Variants in ADAMTS17 observed in about 807,000 individuals in gnomAD.
The protein encoded by ADAMTS17 is ADAM metallopeptidase with thrombospondin type 1 motif 17.
ADAMTS17 carries 113 observed loss-of-function variants against 141.5 expected under a neutral mutation model. That is an observed-to-expected ratio of 0.80 (90% CI 0.69 to 0.93). The LOEUF (loss-of-function observed/expected upper bound fraction) is 0.93, where lower values mean the gene tolerates loss of function less well. Among genes scored for constraint, ADAMTS17 ranks in the 40% least tolerant of loss-of-function variants. The pLI is 0.00. For missense variants in ADAMTS17, 1,659 were observed against 1,517.9 expected (o/e 1.09, Z -1.54); for synonymous variants, 768 against 630.6 (o/e 1.22, Z -3.27).
chr15:100,082,363 C>G (rs1393149156), intron 15 of ADAMTS17, among the ~76,000 whole-genome samples: 1 of 150,738 alleles, frequency 6.6e-6, no homozygotes, highest in Non-Finnish European at 1.5e-5. Context: ...CGTGCCTGGC[C>G]TTATTGCATG....
chr15:100,246,437 A>G (rs1489231290), intron 7 of ADAMTS17, among the ~76,000 whole-genome samples: 1 of 152,242 alleles, frequency 6.6e-6, no homozygotes, highest in Non-Finnish European at 1.5e-5. Flanking sequence ...TCAAAAAGCA[A>G]AGAACATGGT....
At chr15:100,186,666 C>T (rs1049449464) in intron 8 of ADAMTS17, among the ~76,000 whole-genome samples, 1 of 152,240 alleles carries the variant, frequency 6.6e-6, no homozygotes, top group Non-Finnish European at 1.5e-5. Flanking sequence ...GGTTATCCAA[C>T]TGTTACAAAC....
At chr15:100,327,256 T>A (rs2045928264) in intron 3 of ADAMTS17, among the ~76,000 whole-genome samples, 1 of 152,232 alleles carries the variant, frequency 6.6e-6, no homozygotes, top group African/African-American at 2.4e-5. Flanking sequence ...GCGCAGTTTC[T>A]ACAGAGTTAT....
At position 100,096,492 on chromosome 15, in the gene ADAMTS17, G is replaced by C. The variant is rs752000914; in HGVS notation, c.2017-16C>G. ...AGCCGATTTTCTAAAGAACCAGAGGGCCTCATTATTCTGTGGTTAAGACTC... is the reference window on the plus strand; with the variant it reads ...AGCCGATTTTCTAAAGAACCAGAGGCCCTCATTATTCTGTGGTTAAGACTC... On this transcript the variant is annotated splice_polypyrimidine_tract_variant and intron_variant, in intron 14 of 21. Transcript: ENST00000268070. The C allele has an allele frequency of 1.2e-5, 19 of 1,613,988 alleles. No individual in the cohort carries two copies. The South Asian group carries it at 2.0e-4, about 17-fold the overall frequency.
chr15:100,073,560 A>T (rs1280761104), intron 15 of ADAMTS17, among the ~76,000 whole-genome samples: 1 of 152,062 alleles, frequency 6.6e-6, no homozygotes, highest in Non-Finnish European at 1.5e-5. Flanking sequence ...TGGCACATAT[A>T]CACCATGGAA....
chr15:100,121,113 GAAGA>G (rs2037430275), intron 12 of ADAMTS17, among the ~76,000 whole-genome samples: 1 of 152,188 alleles, frequency 6.6e-6, no homozygotes, highest in Non-Finnish European at 1.5e-5. Flanking sequence ...TTAGCAGGCA[GAAGA>G]AAGAATTAGC....
chr15:100,133,174 T>G, intron 11 of ADAMTS17, 40 bp downstream of exon 11: 5 of 1,531,744 alleles, frequency 3.3e-6, no homozygotes, highest in Non-Finnish European at 4.4e-6. Context: ...CTGCAAGATG[T>G]GGAGCTGCCT....
At chr15:100,119,833 C>A (rs534892878) in intron 12 of ADAMTS17, among the ~76,000 whole-genome samples, 20 of 152,336 alleles carry the variant, frequency 1.3e-4, no homozygotes, top group Admixed American at 5.9e-4. Flanking sequence ...CCCCACTTCC[C>A]ACCTCCTAAC....
intron 7 of ADAMTS17, among the ~76,000 whole-genome samples, chr15:100,253,109 A>G (rs958951922): frequency 4.6e-5 from 7 of 151,812 alleles, no homozygotes; most frequent in African/African-American, 7.3e-5. Context: ...TTTTACTACA[A>G]TTCTAAACAT....
intron 13 of ADAMTS17, among the ~76,000 whole-genome samples, chr15:100,114,463 C>T (rs1448594607): frequency 6.6e-6 from 1 of 152,102 alleles, no homozygotes; most frequent in Admixed American, 6.5e-5. Flanking sequence ...TGAAGTGCTC[C>T]TTTTAAAAAT....
intron 7 of ADAMTS17, among the ~76,000 whole-genome samples, chr15:100,236,625 G>A (rs1384719696): frequency 6.6e-6 from 1 of 152,146 alleles, no homozygotes; most frequent in Non-Finnish European, 1.5e-5. Context: ...ATCACTAGAG[G>A]CCAGGAGGTT....
At position 100,155,288 on chromosome 15, in the gene ADAMTS17, G is replaced by T. The variant is rs1308988204; in HGVS notation, c.1214C>A (p.Ser405Tyr). Residue 405 changes from serine (S) to tyrosine (Y), a missense_variant, in exon 9 of 22, where the codon TCT (serine) becomes TAT (tyrosine). Transcript: ENST00000268070. The part of the protein sequence containing the change: ...LGMNHDDDHS[S>Y]CAGRSHIMSG... ...CATGATGTGGGACCTGCCAGCGCAA[G>T]ATGAGTGGTCATCGTCGTGGTTCAT... 6.2e-7 allele frequency: 1 copy of T among 1,614,036 alleles called. No homozygotes were observed. Among genetic ancestry groups the T allele is most frequent in the African/African-American group, 1.3e-5 (1 of 74,944 alleles).
chr15:100,098,264 G>A (rs891172314), intron 14 of ADAMTS17, among the ~76,000 whole-genome samples: 1 of 151,928 alleles, frequency 6.6e-6, no homozygotes, highest in African/African-American at 2.4e-5. Flanking sequence ...CAGCTGTGAT[G>A]AGGCACCGTG....
At chr15:100,232,721 G>A (rs1168634575) in intron 7 of ADAMTS17, among the ~76,000 whole-genome samples, 1 of 152,216 alleles carries the variant, frequency 6.6e-6, no homozygotes, top group Non-Finnish European at 1.5e-5. Context: ...AATAGCAGGA[G>A]TGACTTGGCC....
chr15:100,101,325 T>C (rs1031582340), intron 14 of ADAMTS17, among the ~76,000 whole-genome samples: 4 of 152,224 alleles, frequency 2.6e-5, no homozygotes, highest in Non-Finnish European at 4.4e-5. Context: ...TGAGCTGACA[T>C]GGCCTGTCTG....
intron 12 of ADAMTS17, among the ~76,000 whole-genome samples, chr15:100,121,630 T>C (rs2037456422): frequency 6.6e-6 from 1 of 152,064 alleles, no homozygotes; most frequent in African/African-American, 2.4e-5. Context: ...AATTAACACA[T>C]TCCCAGATAA....
chr15:99,994,240 TA>T (rs1378092754), intron 19 of ADAMTS17, among the ~76,000 whole-genome samples: 1 of 152,110 alleles, frequency 6.6e-6, no homozygotes, highest in Admixed American at 6.5e-5. Context: ...TGCAGTCTGC[TA>T]AGGCGGTTTC....
chr15:100,236,052 G>A (rs995176073), intron 7 of ADAMTS17, among the ~76,000 whole-genome samples: 1 of 152,086 alleles, frequency 6.6e-6, no homozygotes, highest in South Asian at 2.1e-4. Context: ...ATATCCTAAT[G>A]ATCACAGACA....
intron 15 of ADAMTS17, among the ~76,000 whole-genome samples, chr15:100,062,261 C>T (rs779031385): frequency 3.4e-4 from 51 of 152,228 alleles, no homozygotes; most frequent in South Asian, 3.1e-3. Flanking sequence ...AGCAGAAGCA[C>T]GAGCGGCCGT....
Sources: allele counts gnomAD v4.1 joint callset (sites outside exome capture counted in the v4.1 genomes callset), GRCh38; gene constraint gnomAD v4.1.1; transcripts MANE v1.5; gene names NCBI Gene and HGNC (gene_info 2026-07-23, HGNC 2026-07-21).